Variants in CTNND2 observed in about 807,000 individuals in gnomAD.
CTNND2 encodes the protein catenin delta-2.
Under a neutral mutation model 144.4 loss-of-function variants are expected in CTNND2, and 22 were observed. That is an observed-to-expected ratio of 0.15 (90% CI 0.11 to 0.22). CTNND2 has a LOEUF of 0.22. Among genes scored for constraint, CTNND2 ranks in the 10% least tolerant of loss-of-function variants. The pLI is 1.00. For synonymous variants in CTNND2, 751 were observed against 695.6 expected, an observed-to-expected ratio of 1.08 and a Z score of -1.25; for missense variants, 1,353 against 1,618.8, an observed-to-expected ratio of 0.84 and a Z score of 2.82.
intron 15 of CTNND2, chr5:11,083,880 C>A: frequency 1.8e-6 from 2 of 1,127,768 alleles, no homozygotes; most frequent in Non-Finnish European, 2.2e-6. Flanking sequence ...CTGGCTCTCA[C>A]CTGTGGCAGG....
At chr5:11,465,717 C>A (rs1023696512) in intron 3 of CTNND2, among the ~76,000 whole-genome samples, 3 of 152,178 alleles carry the variant, frequency 2.0e-5, no homozygotes, top group Non-Finnish European at 4.4e-5. Context: ...ACTAAATAAT[C>A]TTAGCAAGTT....
Position 11,217,866 on chromosome 5 carries a change from T to G in CTNND2, c.1762-18205A>C, listed in dbSNP as rs1580616508. Among the ~76,000 whole-genome samples, 3 of 152,206 alleles carry G rather than the reference T, an allele frequency of 2.0e-5. No homozygotes were observed. In the South Asian group the frequency reaches 6.2e-4, roughly 32 times the overall value. ...ATGAACTCCAATCTCTTTGGGTGTT[T>G]GTTGCTATTTGGGTAAAGCAGTTTG... On this transcript the variant is annotated intron_variant, in intron 10 of 21. Transcript: ENST00000304623.
intron 21 of CTNND2, among the ~76,000 whole-genome samples, chr5:10,979,747 C>T (rs1481422883): frequency 1.3e-5 from 2 of 152,262 alleles, no homozygotes; most frequent in Middle Eastern, 3.4e-3. Context: ...AGAAATAACA[C>T]CACACATCTA....
chr5:11,669,891 C>T (rs1190076548), intron 2 of CTNND2, among the ~76,000 whole-genome samples: 1 of 152,130 alleles, frequency 6.6e-6, no homozygotes, highest in Admixed American at 6.6e-5. Flanking sequence ...GCATTTAGTG[C>T]TTTAAGTTTT....
chr5:11,611,791 TAA>T (rs1780340829), intron 2 of CTNND2, among the ~76,000 whole-genome samples: 1 of 152,080 alleles, frequency 6.6e-6, no homozygotes, highest in African/African-American at 2.4e-5. Context: ...CTCAAAAAAA[TAA>T]AAGTTTTTTC....
intron 2 of CTNND2, among the ~76,000 whole-genome samples, chr5:11,584,019 T>C (rs1015787759): frequency 2.0e-5 from 3 of 152,230 alleles, no homozygotes; most frequent in African/African-American, 7.2e-5. Flanking sequence ...TCCACGATAA[T>C]GTGGGTGCAG....
intron 16 of CTNND2, 130 bp from the exon 17 acceptor site, chr5:11,023,109 C>T: frequency 1.4e-6 from 1 of 739,188 alleles, no homozygotes; most frequent in Non-Finnish European, 2.3e-6. Flanking sequence ...TTTCCCATCA[C>T]TGAATGTTCC....
At chr5:11,161,979 A>T (rs1580455474) in intron 11 of CTNND2, among the ~76,000 whole-genome samples, 1 of 151,986 alleles carries the variant, frequency 6.6e-6, no homozygotes, top group Non-Finnish European at 1.5e-5. Flanking sequence ...GCAAAACCCC[A>T]TCTCTACTAA....
chr5:11,664,579 C>CAAATA (rs1469090120), intron 2 of CTNND2, among the ~76,000 whole-genome samples: 1 of 152,116 alleles, frequency 6.6e-6, no homozygotes, highest in Non-Finnish European at 1.5e-5. Context: ...AACTATATCT[C>CAAATA]AAATAAAATA....
At chr5:11,322,261 T>C (rs1752110851) in intron 9 of CTNND2, among the ~76,000 whole-genome samples, 1 of 152,162 alleles carries the variant, frequency 6.6e-6, no homozygotes, top group Middle Eastern at 3.2e-3. Flanking sequence ...CATTTTCACT[T>C]CATGTGTTGC....
At chr5:11,697,103 A>T (rs973992274) in intron 2 of CTNND2, among the ~76,000 whole-genome samples, 8 of 152,224 alleles carry the variant, frequency 5.3e-5, no homozygotes, top group African/African-American at 1.9e-4. Context: ...GACAAATATC[A>T]TTATGTATGT....
chr5:11,602,329 G>A (rs1779834716), intron 2 of CTNND2, among the ~76,000 whole-genome samples: 1 of 151,946 alleles, frequency 6.6e-6, no homozygotes, highest in Non-Finnish European at 1.5e-5. Context: ...TGTCATCTGG[G>A]AAGATCTGAG....
intron 1 of CTNND2, among the ~76,000 whole-genome samples, chr5:11,875,794 A>C (rs1219068227): frequency 2.0e-5 from 3 of 152,170 alleles, no homozygotes. Context: ...GCACCAGCAA[A>C]CTAATAAAGT....
chr5:11,330,592 G>A (rs913245926), intron 9 of CTNND2, among the ~76,000 whole-genome samples: 1 of 151,558 alleles, frequency 6.6e-6, no homozygotes, highest in Non-Finnish European at 1.5e-5. Flanking sequence ...AGGGCGAGGC[G>A]GGTGGTGGAT....
intron 10 of CTNND2, among the ~76,000 whole-genome samples, chr5:11,233,285 G>C (rs540742659): frequency 6.6e-6 from 1 of 152,040 alleles, no homozygotes; most frequent in South Asian, 2.1e-4. Context: ...ATAAGATCTG[G>C]TATCATTTTG....
intron 11 of CTNND2, among the ~76,000 whole-genome samples, chr5:11,172,822 C>T (rs1427207017): frequency 1.3e-5 from 2 of 152,132 alleles, no homozygotes; most frequent in Admixed American, 1.3e-4. Context: ...AAAGGAAGGT[C>T]TGCGTGGAGA....
At chr5:11,502,784 G>T (rs1429425597) in intron 3 of CTNND2, among the ~76,000 whole-genome samples, 1 of 152,108 alleles carries the variant, frequency 6.6e-6, no homozygotes, top group Non-Finnish European at 1.5e-5. Context: ...TTGGAAAGAT[G>T]AAGAAGGAAG....
At chr5:11,896,350 T>C (rs1582085525) in intron 1 of CTNND2, among the ~76,000 whole-genome samples, 2 of 152,194 alleles carry the variant, frequency 1.3e-5, no homozygotes, top group South Asian at 4.1e-4. Flanking sequence ...AATATGGTCA[T>C]TTCTGGGGCT....
chr5:11,616,602 C>T (rs1040733918), intron 2 of CTNND2, among the ~76,000 whole-genome samples: 2 of 150,380 alleles, frequency 1.3e-5, no homozygotes, highest in Admixed American at 6.6e-5. Context: ...TTCCTTCCTT[C>T]CTCCTTCCTT....
Sources: gnomAD v4.1 joint callset for allele counts (sites outside exome capture counted in the v4.1 genomes callset) on GRCh38, gnomAD v4.1.1 for gene constraint, MANE v1.5 for transcripts, NCBI Gene and HGNC (gene_info 2026-07-23, HGNC 2026-07-21) for gene names.